Variants in WDR49 observed in about 807,000 individuals in gnomAD.
WDR49 encodes the protein WD repeat domain 49.
In WDR49, 107 loss-of-function variants were observed where a neutral mutation model predicts 119.5. The ratio of observed to expected loss-of-function variants is 0.90; its 90% CI spans 0.77 to 1.05. The LOEUF is 1.05. Ranked by LOEUF, WDR49 falls within the 50% of genes least tolerant of loss-of-function variation. WDR49 has a pLI of 0.00. For synonymous variants in WDR49, 425 were observed against 418.8 expected, an observed-to-expected ratio of 1.01 and a Z score of -0.18; for missense variants, 1,240 against 1,220.5, an observed-to-expected ratio of 1.02 and a Z score of -0.24.
chr3:167,559,802 G>A (rs1385786383), intron 9 of WDR49, among the ~76,000 whole-genome samples: 1 of 152,100 alleles, frequency 6.6e-6, no homozygotes, highest in Non-Finnish European at 1.5e-5. Context: ...ACACTGAAAA[G>A]GGGGCTTTCT....
At chr3:167,575,648 T>C (rs1222987824) in intron 8 of WDR49, among the ~76,000 whole-genome samples, 1 of 152,214 alleles carries the variant, frequency 6.6e-6, no homozygotes, top group Non-Finnish European at 1.5e-5. Context: ...ATAAGTTCAA[T>C]TATATTACAG....
At chr3:167,631,308 AAATAAAT>A (rs1717360885) in intron 2 of WDR49, among the ~76,000 whole-genome samples, 1 of 152,082 alleles carries the variant, frequency 6.6e-6, no homozygotes, top group Non-Finnish European at 1.5e-5. Context: ...GGTAAAAAAT[AAATAAAT>A]AATTTAAAAA....
At position 167,575,129 on chromosome 3, in the gene WDR49, C is replaced by T. The variant is rs1286829034; in HGVS notation, c.1509+789G>A. On this transcript the variant is annotated intron_variant, in intron 8 of 18. Coordinates refer to ENST00000682715, the MANE Select transcript of WDR49 (RefSeq NM_001366157.1). The stretch of plus-strand genomic sequence containing the variant: ...TAATTGGCTGTAAGCTGGAGACTTG[C>T]TTCTGCTTGGCTCCTGCTGTGCTGT... 1.1e-5 allele frequency: 11 copies of T among 985,234 alleles called. No homozygotes were observed. In the South Asian group the frequency reaches 2.3e-4, roughly 21 times the overall value. The allele number at this position is 985,234 out of a possible 1,614,324, so 61.0% of individuals were successfully genotyped here. A position where few individuals can be genotyped will look rare whatever the true frequency, so the allele number is the denominator to read the frequency against.
chr3:167,565,765 C>T (rs75978382), intron 8 of WDR49, among the ~76,000 whole-genome samples: 13,637 of 152,064 alleles, frequency 0.09, 861 homozygotes, highest in Middle Eastern at 0.27. Context: ...CCATTGCCTG[C>T]GGTCAGTGCA....
At position 167,636,606 on chromosome 3, in the gene WDR49, A is replaced by C. The variant is rs116203417; in HGVS notation, c.166-9314T>G. On this transcript the variant is annotated intron_variant, in intron 2 of 18. Coordinates refer to ENST00000682715, the MANE Select transcript of WDR49 (RefSeq NM_001366157.1). Reference sequence around the variant, plus strand: ...AGTGGTTGTACTAGTTTGCATTCCCACCAGCAATGTAGAAGGGTCACCTTT... The same window carrying C: ...AGTGGTTGTACTAGTTTGCATTCCCCCCAGCAATGTAGAAGGGTCACCTTT... Among the ~76,000 whole-genome samples, 591 of 151,832 alleles carry C rather than the reference A, an allele frequency of 3.9e-3. 6 individuals are homozygous for C. The highest frequency in any genetic ancestry group is 0.014 in the African/African-American group (565 of 41,472).
intron 2 of WDR49, among the ~76,000 whole-genome samples, chr3:167,648,215 T>C (rs930245562): frequency 1.3e-5 from 2 of 152,108 alleles, no homozygotes; most frequent in Non-Finnish European, 2.9e-5. Context: ...TGGTAAAGGA[T>C]CAAATAACAT....
intron 12 of WDR49, among the ~76,000 whole-genome samples, chr3:167,532,119 A>G (rs1474960464): frequency 2.6e-5 from 4 of 151,964 alleles, no homozygotes; most frequent in Admixed American, 6.6e-5. Context: ...TTGTTTTCCT[A>G]CTCTTAAGAA....
intron 5 of WDR49, among the ~76,000 whole-genome samples, chr3:167,611,017 AATG>A (rs1716310667): frequency 6.6e-6 from 1 of 152,244 alleles, no homozygotes; most frequent in Non-Finnish European, 1.5e-5. Context: ...ACTCACTGGT[AATG>A]ATAAGTGCAC....
At chr3:167,641,494 A>T (rs1243427687) in intron 2 of WDR49, among the ~76,000 whole-genome samples, 1 of 151,786 alleles carries the variant, frequency 6.6e-6, no homozygotes, top group Non-Finnish European at 1.5e-5. Flanking sequence ...GATTTATATG[A>T]CCCAATTTCT....
intron 8 of WDR49, among the ~76,000 whole-genome samples, chr3:167,568,635 A>G (rs988350035): frequency 1.3e-5 from 2 of 152,122 alleles, no homozygotes; most frequent in African/African-American, 4.8e-5. Flanking sequence ...AAGCAAATCA[A>G]CTTTTTCTTG....
chr3:167,620,243 GA>G (rs1026280894), intron 5 of WDR49, among the ~76,000 whole-genome samples, 185 bp downstream of exon 5: 7 of 146,004 alleles, frequency 4.8e-5, no homozygotes, highest in East Asian at 4.0e-4. Flanking sequence ...AATTCAGAAG[GA>G]AAAAAAAAAG....
In WDR49 at chr3:167,479,100, T is replaced by C. The variant is rs575505305; in HGVS notation, c.3032-104A>G. On this transcript the variant is annotated intron_variant, in intron 18 of 18. Transcript: ENST00000682715. ...TCTCAAATTTTGCTTTTTCTAAAAATCTTTGTTTCTAAAACACAGAGTGTA... is the reference window on the plus strand; with the variant it reads ...TCTCAAATTTTGCTTTTTCTAAAAACCTTTGTTTCTAAAACACAGAGTGTA... 2.5e-4 allele frequency: 224 copies of C among 895,892 alleles called. No homozygotes were observed. The African/African-American group carries it at 3.6e-3, about 14-fold the overall frequency. The allele number at this position is 895,892 out of a possible 1,614,324, so 55.5% of individuals were successfully genotyped here. A position where few individuals can be genotyped will look rare whatever the true frequency, so the allele number is the denominator to read the frequency against.
chr3:167,631,873 G>T (rs1034071873), intron 2 of WDR49, among the ~76,000 whole-genome samples: 5 of 152,066 alleles, frequency 3.3e-5, no homozygotes, highest in Non-Finnish European at 7.4e-5. Context: ...TTTAATGGAG[G>T]TTAGTCCGGG....
chr3:167,623,004 T>A (rs1456250455), intron 3 of WDR49, among the ~76,000 whole-genome samples: 1 of 151,752 alleles, frequency 6.6e-6, no homozygotes, highest in Non-Finnish European at 1.5e-5. Flanking sequence ...ACAGAAAATA[T>A]CAACAGAACT....
intron 7 of WDR49, among the ~76,000 whole-genome samples, chr3:167,584,039 C>A (rs1236795467): frequency 6.6e-6 from 1 of 152,032 alleles, no homozygotes; most frequent in African/African-American, 2.4e-5. Context: ...TTAGGTATAA[C>A]ATTAAAGAGC....
At chr3:167,602,091 C>CA (rs1470355256) in intron 7 of WDR49, 36 bp downstream of exon 7, 1 of 1,543,386 alleles carries the variant, frequency 6.5e-7, no homozygotes, top group Non-Finnish European at 8.8e-7. Flanking sequence ...ATCGGGGAAG[C>CA]AAAACTAAAT....
intron 18 of WDR49, among the ~76,000 whole-genome samples, chr3:167,481,693 G>A: frequency 6.6e-6 from 1 of 152,068 alleles, no homozygotes; most frequent in Non-Finnish European, 1.5e-5. Context: ...AATCATGGCA[G>A]AAGGCAAAAA....
chr3:167,527,974 G>A lies in WDR49; in HGVS notation c.2450C>T (p.Pro817Leu), dbSNP rs763157115. 6.2e-7 allele frequency: 1 copy of A among 1,613,126 alleles called. No homozygotes were observed. Among genetic ancestry groups the A allele is most frequent in the South Asian group, 1.1e-5 (1 of 91,036 alleles). The change falls in exon 15 of 19, where the codon CCA becomes CTA. Residue 817 changes from proline to leucine, a missense_variant. Coordinates refer to ENST00000682715, the MANE Select transcript of WDR49 (RefSeq NM_001366157.1). ...NSSKNKITKAPTLIRSFQPHE... is the reference protein window; with the variant it reads ...NSSKNKITKALTLIRSFQPHE... ...AGGTTGGAATGATCTTATCAGAGTT[G>A]GGGCCTTGGTGATTTTGTTCTTACT... is the stretch of plus-strand genomic sequence containing the variant.
intron 9 of WDR49, among the ~76,000 whole-genome samples, chr3:167,555,787 AC>A (rs1362799500): frequency 1.3e-5 from 2 of 152,114 alleles, no homozygotes; most frequent in Non-Finnish European, 2.9e-5. Flanking sequence ...ATATAAAGTC[AC>A]CCATCACTTA....
Sources: gnomAD v4.1 joint callset for allele counts (sites outside exome capture counted in the v4.1 genomes callset) on GRCh38, gnomAD v4.1.1 for gene constraint, MANE v1.5 for transcripts, NCBI Gene and HGNC (gene_info 2026-07-23, HGNC 2026-07-21) for gene names.